ADAMTS12: variants seen among roughly 807,000 people sequenced by gnomAD.
ADAMTS12 encodes the protein ADAM metallopeptidase with thrombospondin type 1 motif 12.
A neutral mutation model predicts 167.8 loss-of-function variants in ADAMTS12; 118 were observed. The ratio of observed to expected loss-of-function variants is 0.70; its 90% CI spans 0.61 to 0.82. The LOEUF is 0.82. Among genes scored for constraint, ADAMTS12 ranks in the 40% least tolerant of loss-of-function variants. The pLI is 0.00. For missense variants in ADAMTS12, 1,916 were observed against 1,998.8 expected, an observed-to-expected ratio of 0.96 and a Z score of 0.79; for synonymous variants, 704 against 716.9, an observed-to-expected ratio of 0.98 and a Z score of 0.29.
chr5:33,808,518 C>G (rs1160846727), intron 2 of ADAMTS12, among the ~76,000 whole-genome samples: 1 of 152,152 alleles, frequency 6.6e-6, no homozygotes, highest in Non-Finnish European at 1.5e-5. Flanking sequence ...AAATTGTGTA[C>G]AGTTAGAACC....
intron 2 of ADAMTS12, among the ~76,000 whole-genome samples, chr5:33,841,752 A>G (rs73073032): frequency 0.015 from 2,324 of 152,268 alleles, 67 homozygotes; most frequent in African/African-American, 0.053. Context: ...CTGCTATGCT[A>G]GGGTTCCTGA....
chr5:33,676,701 CACACACAGAG>C (rs1299867373), intron 5 of ADAMTS12, among the ~76,000 whole-genome samples: 2 of 150,054 alleles, frequency 1.3e-5, no homozygotes, highest in Non-Finnish European at 2.9e-5. Context: ...CACACACACA[CACACACAGAG>C]AGAGAGAGAG....
At chr5:33,827,716 T>C (rs943423083) in intron 2 of ADAMTS12, among the ~76,000 whole-genome samples, 11 of 63,748 alleles carry the variant, frequency 1.7e-4, no homozygotes, top group African/African-American at 7.8e-4. Context: ...ACAAAATAGA[T>C]AGATAGATAG....
At chr5:33,575,137 A>G (rs1042628671) in intron 19 of ADAMTS12, among the ~76,000 whole-genome samples, 2 of 152,166 alleles carry the variant, frequency 1.3e-5, no homozygotes, top group Non-Finnish European at 2.9e-5. Flanking sequence ...TCTATATTCT[A>G]ATTCTTTCAA....
At chr5:33,692,890 C>A (rs574203533) in intron 3 of ADAMTS12, among the ~76,000 whole-genome samples, 1 of 152,200 alleles carries the variant, frequency 6.6e-6, no homozygotes. Flanking sequence ...ATGAGTCCTA[C>A]ATGTATCTTC....
At chr5:33,630,202 C>A (rs191622200) in intron 13 of ADAMTS12, among the ~76,000 whole-genome samples, 5 of 152,216 alleles carry the variant, frequency 3.3e-5, no homozygotes, top group African/African-American at 1.2e-4. Context: ...CAGTTCCTTG[C>A]AAAATAAAAT....
At chr5:33,596,740 A>T (rs1737904774) in intron 16 of ADAMTS12, among the ~76,000 whole-genome samples, 1 of 152,264 alleles carries the variant, frequency 6.6e-6, no homozygotes, top group African/African-American at 2.4e-5. Context: ...TTATGAGGCA[A>T]TTGCTACATT....
At chr5:33,748,489 G>A (rs1428492132) in intron 3 of ADAMTS12, among the ~76,000 whole-genome samples, 2 of 152,038 alleles carry the variant, frequency 1.3e-5, no homozygotes, top group African/African-American at 4.8e-5. Context: ...TTAAAGGCCT[G>A]GAAAACAGAA....
chr5:33,889,933 C>G (rs1750783673), intron 1 of ADAMTS12, among the ~76,000 whole-genome samples: 1 of 152,168 alleles, frequency 6.6e-6, no homozygotes, highest in Non-Finnish European at 1.5e-5. Context: ...GCCTGAGAGA[C>G]AGAGCAAGAC....
rs1244094819 is a variant in ADAMTS12, at chr5:33,561,081, T to C, written c.4071A>G (p.Ala1357=). 1 of 1,614,200 alleles carries C rather than the reference T, an allele frequency of 6.2e-7. No individual in the cohort carries two copies. Among genetic ancestry groups the C allele is most frequent in the Non-Finnish European group, 8.5e-7 (1 of 1,180,030 alleles). ...CACAGGGACGGAGGTGGCATCTTTTTGCAGGGTCAGGTCTCTGGATGGCCG... is the reference window on the plus strand; with the variant it reads ...CACAGGGACGGAGGTGGCATCTTTTCGCAGGGTCAGGTCTCTGGATGGCCG... ...DCAAIQRPDP[A]KRCHLRPCAG... is the part of the protein sequence containing the mutation. Residue 1357 remains alanine, a synonymous_variant, in exon 20 of 24, where the codon GCA becomes GCG. Coordinates refer to ENST00000504830, the MANE Select transcript of ADAMTS12 (RefSeq NM_030955.4).
intron 3 of ADAMTS12, among the ~76,000 whole-genome samples, chr5:33,705,302 T>TGC (rs1554036494): frequency 2.7e-5 from 4 of 147,538 alleles, no homozygotes; most frequent in Admixed American, 6.8e-5. Context: ...TGTGTGTGTG[T>TGC]GCGTGTATAC....
intron 3 of ADAMTS12, among the ~76,000 whole-genome samples, chr5:33,733,027 T>G (rs1351356244): frequency 6.6e-6 from 1 of 151,470 alleles, no homozygotes; most frequent in African/African-American, 2.4e-5. Flanking sequence ...TTATATATTA[T>G]ATTATATTTT....
chr5:33,827,678 C>G (rs990592451), intron 2 of ADAMTS12, among the ~76,000 whole-genome samples: 3 of 151,070 alleles, frequency 2.0e-5, no homozygotes, highest in African/African-American at 7.3e-5. Flanking sequence ...GACATGTATC[C>G]TCGCATTTGG....
chr5:33,771,025 C>T (rs1035211567), intron 2 of ADAMTS12, among the ~76,000 whole-genome samples: 1 of 152,060 alleles, frequency 6.6e-6, no homozygotes, highest in African/African-American at 2.4e-5. Flanking sequence ...TAGAGGACTT[C>T]ATATTATAGA....
In ADAMTS12 at chr5:33,885,537, ATAGG is replaced by A. The variant is rs1264234414; in HGVS notation, c.128-4061_128-4058del. ...TGTTGCTTTTCCCAATTAAAAATAAATAGGTAAGAAGGATTGAATGGGAGAGTGC... is the reference window on the plus strand; with the variant it reads ...TGTTGCTTTTCCCAATTAAAAATAAATAAGAAGGATTGAATGGGAGAGTGC... On this transcript the variant is annotated intron_variant, in intron 1 of 23. Coordinates refer to ENST00000504830, the MANE Select transcript of ADAMTS12 (RefSeq NM_030955.4). Among the ~76,000 whole-genome samples, 6 of 152,364 alleles carry A rather than the reference ATAGG, an allele frequency of 3.9e-5. No homozygotes were observed. In the South Asian group the frequency reaches 1.0e-3, roughly 26 times the overall value.
Position 33,687,299 on chromosome 5 carries a change from T to C in ADAMTS12, c.635-3244A>G, listed in dbSNP as rs957095150. On this transcript the variant is annotated intron_variant, in intron 3 of 23. Coordinates refer to ENST00000504830, the MANE Select transcript of ADAMTS12 (RefSeq NM_030955.4). Reference sequence around the variant, plus strand: ...GTCCTATACTAAGCACATAGCACCATACCTCATTTAACTTGCCAAAAATCT... The same window carrying C: ...GTCCTATACTAAGCACATAGCACCACACCTCATTTAACTTGCCAAAAATCT... Among the ~76,000 whole-genome samples, 37 of 152,296 alleles carry C rather than the reference T, an allele frequency of 2.4e-4. No individual in the cohort carries two copies. The Middle Eastern group carries it at 0.014, about 56-fold the overall frequency.
chr5:33,576,234 TGCC>T lies in ADAMTS12; in HGVS notation c.3789_3791del (p.Ala1264del). 6.2e-7 allele frequency: 1 copy of T among 1,614,236 alleles called. No homozygotes were observed. Among genetic ancestry groups the T allele is most frequent in the South Asian group, 1.1e-5 (1 of 91,086 alleles). The stretch of plus-strand genomic sequence containing the variant: ...TTGGAAGTTTCAGGTGGTTACGGTT[TGCC>T]GTCTTTCCTGAGGGTTCTGGCTGGT... On this transcript the variant is annotated inframe_deletion, in exon 19 of 24. Transcript: ENST00000504830.
chr5:33,668,060 T>A (rs111283234), intron 5 of ADAMTS12, among the ~76,000 whole-genome samples: 204 of 152,312 alleles, frequency 1.3e-3, no homozygotes, highest in Admixed American at 3.9e-3. Context: ...CAGATACTCC[T>A]TGAGTTACAA....
chr5:33,590,188 G>A (rs752184296), intron 17 of ADAMTS12, among the ~76,000 whole-genome samples: 4 of 152,230 alleles, frequency 2.6e-5, no homozygotes, highest in Non-Finnish European at 4.4e-5. Flanking sequence ...TTGGTTGAAA[G>A]CCTAATTTAT....
Sources: allele counts gnomAD v4.1 joint callset (sites outside exome capture counted in the v4.1 genomes callset), GRCh38; gene constraint gnomAD v4.1.1; transcripts MANE v1.5; gene names NCBI Gene and HGNC (gene_info 2026-07-23, HGNC 2026-07-21).